VEPH1: variants seen among roughly 807,000 people sequenced by gnomAD.
VEPH1 encodes the protein ventricular zone-expressed PH domain-containing protein homolog 1.
VEPH1 carries 80 observed loss-of-function variants against 85.2 expected under a neutral mutation model. The ratio of observed to expected loss-of-function variants is 0.94; its 90% CI spans 0.78 to 1.13. The LOEUF is 1.13. Among genes scored for constraint, VEPH1 ranks in the 50% most tolerant of loss-of-function variants. The pLI, the probability that VEPH1 is intolerant of heterozygous loss-of-function variation, is 0.00. For missense variants in VEPH1, 955 were observed against 980.5 expected (o/e 0.97, Z 0.35); for synonymous variants, 297 against 348.0 (o/e 0.85, Z 1.63).
intron 11 of VEPH1, among the ~76,000 whole-genome samples, chr3:157,290,488 G>C (rs766708852): frequency 3.3e-5 from 5 of 152,180 alleles, no homozygotes; most frequent in Non-Finnish European, 7.3e-5. Flanking sequence ...CTAATACTGA[G>C]ATTGTGCCGT....
At chr3:157,419,559 A>T (rs1732176528) in intron 5 of VEPH1, among the ~76,000 whole-genome samples, 1 of 152,196 alleles carries the variant, frequency 6.6e-6, no homozygotes, top group South Asian at 2.1e-4. Flanking sequence ...TGGCCAGCAG[A>T]CATATGAAAA....
At chr3:157,269,621 T>G (rs1346456531) in intron 12 of VEPH1, among the ~76,000 whole-genome samples, 2 of 145,710 alleles carry the variant, frequency 1.4e-5, no homozygotes, top group Admixed American at 1.5e-4. Context: ...TGTTTGTTTG[T>G]TTTTTGTTTT....
At chr3:157,354,580 AC>A (rs945480749) in intron 9 of VEPH1, among the ~76,000 whole-genome samples, 3 of 151,990 alleles carry the variant, frequency 2.0e-5, no homozygotes, top group African/African-American at 7.2e-5. Flanking sequence ...CAGTAGAGAG[AC>A]CTTCCCCTGT....
At chr3:157,335,980 G>A (rs954437134) in intron 9 of VEPH1, among the ~76,000 whole-genome samples, 10 of 152,106 alleles carry the variant, frequency 6.6e-5, no homozygotes, top group Admixed American at 3.3e-4. Flanking sequence ...CCTGGACCGA[G>A]ACCCTGACAT....
chr3:157,369,180 GAAA>G lies in VEPH1; in HGVS notation c.1128-4671_1128-4669del, dbSNP rs58451868. Among the ~76,000 whole-genome samples the G allele has an allele frequency of 6.6e-3, 282 of 42,762 alleles. 3 individuals are homozygous for G. Among genetic ancestry groups the G allele is most frequent in the African/African-American group, 0.021 (251 of 11,882 alleles). The allele number at this position is 42,762 out of a possible 152,430, so 28.1% of individuals were successfully genotyped here. ...ACAACAACAACAACAAAAACCAAATGAAAAAAAAAAAAAAAAAAAAAAAACCTC... is the reference window on the plus strand; with the variant it reads ...ACAACAACAACAACAAAAACCAAATGAAAAAAAAAAAAAAAAAAAAACCTC... On this transcript the variant is annotated intron_variant, in intron 7 of 13. Coordinates refer to ENST00000362010, the MANE Select transcript of VEPH1 (RefSeq NM_001167912.2).
rs1423427746 is a variant in VEPH1, at chr3:157,438,027, G to GCC, written c.530-9540_530-9539insGG. On this transcript the variant is annotated intron_variant, in intron 4 of 13. Coordinates refer to ENST00000362010, the MANE Select transcript of VEPH1 (RefSeq NM_001167912.2). ...GGGGAAGCTTTCATGGGAAGCGCGC[G>GCC]CGCGCGCGCGCACACACACACACAC... 4.8e-6 allele frequency: 4 copies of GCC among 828,066 alleles called. No individual in the cohort carries two copies. In the African/African-American group the frequency reaches 9.4e-5, roughly 19 times the overall value. The allele number at this position is 828,066 out of a possible 1,614,324, so 51.3% of individuals were successfully genotyped here.
At chr3:157,479,867 G>A (rs73158530) in intron 2 of VEPH1, among the ~76,000 whole-genome samples, 27,775 of 152,182 alleles carry the variant, frequency 0.18, 2,981 homozygotes, top group East Asian at 0.36. Context: ...CTGGTGCACA[G>A]TAAGTGCAGA....
At chr3:157,382,017 G>A (rs74839711) in intron 6 of VEPH1, among the ~76,000 whole-genome samples, 1,549 of 152,218 alleles carry the variant, frequency 0.01, 12 homozygotes, top group Non-Finnish European at 0.018. Flanking sequence ...CCACCTGCAC[G>A]GGGCAGGTAC....
At chr3:157,419,538 A>C (rs1048778742) in intron 5 of VEPH1, among the ~76,000 whole-genome samples, 2 of 152,206 alleles carry the variant, frequency 1.3e-5, no homozygotes, top group Non-Finnish European at 2.9e-5. Context: ...ACTCAAAAGA[A>C]GACATTCATG....
intron 2 of VEPH1, among the ~76,000 whole-genome samples, chr3:157,479,018 T>C (rs1186848015): frequency 6.6e-6 from 1 of 152,168 alleles, no homozygotes; most frequent in Non-Finnish European, 1.5e-5. Flanking sequence ...CTTTAACAAA[T>C]ATTCAAAAAG....
At chr3:157,354,380 G>A (rs9849526) in intron 9 of VEPH1, among the ~76,000 whole-genome samples, 26,010 of 151,874 alleles carry the variant, frequency 0.17, 2,573 homozygotes, top group South Asian at 0.41. Context: ...GGGTGATTAG[G>A]CCCAACCCAC....
At chr3:157,457,439 G>C (rs1242235581) in intron 4 of VEPH1, among the ~76,000 whole-genome samples, 1 of 152,186 alleles carries the variant, frequency 6.6e-6, no homozygotes, top group Non-Finnish European at 1.5e-5. Context: ...TGGTGAGAGA[G>C]GGCGTCCTTG....
At chr3:157,320,477 ATGT>A (rs1721234684) in intron 9 of VEPH1, among the ~76,000 whole-genome samples, 1 of 152,140 alleles carries the variant, frequency 6.6e-6, no homozygotes, top group Non-Finnish European at 1.5e-5. Flanking sequence ...TCCAGATAGT[ATGT>A]TTAGTTTATC....
intron 9 of VEPH1, among the ~76,000 whole-genome samples, chr3:157,350,817 T>C (rs1052316336): frequency 1.3e-5 from 2 of 151,896 alleles, no homozygotes; most frequent in East Asian, 1.9e-4. Context: ...AAAACCACAA[T>C]GAGGTATTGC....
intron 1 of VEPH1, among the ~76,000 whole-genome samples, chr3:157,497,954 T>G (rs1739802025): frequency 6.6e-6 from 1 of 152,208 alleles, no homozygotes; most frequent in Non-Finnish European, 1.5e-5. Flanking sequence ...TTGCACGTTT[T>G]CAACTGTGAT....
rs574528782 is a variant in VEPH1 at position 157,397,485 on chromosome 3, G to A, written c.907-16109C>T. ...TGTGAAGAATGTTAATGGTAGTTTA[G>A]TGGGAATAGCATTGAATCTATAGGC... On this transcript the variant is annotated intron_variant, in intron 6 of 13. Coordinates refer to ENST00000362010, the MANE Select transcript of VEPH1 (RefSeq NM_001167912.2). Among the ~76,000 whole-genome samples the A allele has an allele frequency of 8.5e-5, 13 of 152,232 alleles. No homozygotes were observed. In the South Asian group the frequency reaches 2.7e-3, roughly 32 times the overall value.
At chr3:157,493,109 C>T (rs1024520424) in intron 2 of VEPH1, 8 of 379,966 alleles carry the variant, frequency 2.1e-5, no homozygotes, top group African/African-American at 4.3e-5. Context: ...ATGGAGATGC[C>T]ATCAAGGTTT....
At chr3:157,265,374 T>C (rs1253873036) in intron 13 of VEPH1, 152 bp downstream of exon 13, 3 of 838,546 alleles carry the variant, frequency 3.6e-6, no homozygotes, top group African/African-American at 1.7e-5. Context: ...ATAAACAGAC[T>C]AGACACAGAA....
chr3:157,427,091 G>A (rs1348017800), intron 5 of VEPH1, among the ~76,000 whole-genome samples: 9 of 151,860 alleles, frequency 5.9e-5, no homozygotes, highest in African/African-American at 1.7e-4. Flanking sequence ...AAGTTCAAGC[G>A]ATTCTCCTGC....
Sources: gnomAD v4.1 joint callset for allele counts (sites outside exome capture counted in the v4.1 genomes callset) on GRCh38, gnomAD v4.1.1 for gene constraint, MANE v1.5 for transcripts, NCBI Gene and HGNC (gene_info 2026-07-23, HGNC 2026-07-21) for gene names.